The following GRIA1 variants were observed in gnomAD, a reference collection of about 807,000 sequenced individuals.
GRIA1 encodes glutamate receptor 1.
Under a neutral mutation model 99.2 loss-of-function variants are expected in GRIA1, and 31 were observed. That is an observed-to-expected ratio of 0.31 (90% CI 0.23 to 0.42). The LOEUF is 0.42. Ranked by LOEUF, GRIA1 falls within the 10% of genes least tolerant of loss-of-function variation. GRIA1 has a pLI of 1.00. For missense variants in GRIA1, 782 were observed against 1,157.5 expected (o/e 0.68, Z 4.71); for synonymous variants, 438 against 432.4 (o/e 1.01, Z -0.16).
At chr5:153,701,619 C>CAAAAA (rs70978504) in intron 10 of GRIA1, among the ~76,000 whole-genome samples, 759 of 39,384 alleles carry the variant, frequency 0.019, 112 homozygotes, top group Middle Eastern at 0.043. Context: ...AGACCCGTCT[C>CAAAAA]AAAAAAAAAA....
intron 15 of GRIA1, among the ~76,000 whole-genome samples, chr5:153,807,746 C>A (rs1273485666): frequency 6.6e-6 from 1 of 152,210 alleles, no homozygotes; most frequent in Non-Finnish European, 1.5e-5. Flanking sequence ...TGAATAAAAT[C>A]TCAGGTCCCC....
At chr5:153,557,562 T>A (rs1421748058) in intron 2 of GRIA1, among the ~76,000 whole-genome samples, 1 of 152,240 alleles carries the variant, frequency 6.6e-6, no homozygotes, top group Non-Finnish European at 1.5e-5. Context: ...ATACAACTTT[T>A]TTTTCCTTAT....
chr5:153,729,152 C>T (rs1418137004), intron 11 of GRIA1, among the ~76,000 whole-genome samples: 1 of 149,602 alleles, frequency 6.7e-6, no homozygotes, highest in Non-Finnish European at 1.5e-5. Flanking sequence ...CCAAACACCG[C>T]ATATTCTCAC....
chr5:153,681,679 CAT>C (rs1451569579), intron 7 of GRIA1, among the ~76,000 whole-genome samples: 1 of 152,126 alleles, frequency 6.6e-6, no homozygotes, highest in African/African-American at 2.4e-5. Flanking sequence ...GCTAAACAGA[CAT>C]AATCCTCCTA....
At chr5:153,583,764 G>A (rs2149378262) in intron 2 of GRIA1, among the ~76,000 whole-genome samples, 1 of 152,178 alleles carries the variant, frequency 6.6e-6, no homozygotes, top group East Asian at 1.9e-4. Flanking sequence ...ACCAGTGATT[G>A]TGTTGAGACA....
intron 2 of GRIA1, among the ~76,000 whole-genome samples, chr5:153,519,364 C>T (rs905808385): frequency 6.6e-6 from 1 of 151,782 alleles, no homozygotes; most frequent in Non-Finnish European, 1.5e-5. Context: ...TTTAACAGGC[C>T]CCGCAGATGA....
At chr5:153,575,324 G>A (rs896707056) in intron 2 of GRIA1, among the ~76,000 whole-genome samples, 1 of 152,144 alleles carries the variant, frequency 6.6e-6, no homozygotes, top group Non-Finnish European at 1.5e-5. Context: ...TTTGTGGCCT[G>A]ATTTTTGGTC....
Position 153,502,517 on chromosome 5 carries a change from T to C in GRIA1, c.220+8452T>C, listed in dbSNP as rs141595328. On this transcript the variant is annotated intron_variant, in intron 2 of 15. Coordinates refer to ENST00000285900, the MANE Select transcript of GRIA1 (RefSeq NM_000827.4). Reference sequence around the variant, plus strand: ...GCTCATTTTAGCTCCCGCTGGACTATTGTCATGAGGGGTCCTAAATAAGGT... The same window carrying C: ...GCTCATTTTAGCTCCCGCTGGACTACTGTCATGAGGGGTCCTAAATAAGGT... Among the ~76,000 whole-genome samples, 323 of 152,268 alleles carry C rather than the reference T, an allele frequency of 2.1e-3. 3 individuals carry two copies. Among genetic ancestry groups the C allele is most frequent in the African/African-American group, 7.2e-3 (300 of 41,550 alleles).
upstream of GRIA1, chr5:153,490,456 A>G: frequency 4.6e-6 from 1 of 215,130 alleles, no homozygotes; most frequent in South Asian, 7.5e-5. Flanking sequence ...TAAGGTGAGG[A>G]TGGGAGGAAG....
chr5:153,520,449 G>T (rs1240871408), intron 2 of GRIA1, among the ~76,000 whole-genome samples: 1 of 152,116 alleles, frequency 6.6e-6, no homozygotes, highest in Non-Finnish European at 1.5e-5. Context: ...TTTGAGCTTG[G>T]TGCATAAGAA....
In GRIA1 at chr5:153,771,036, A is replaced by G. The variant is rs566628782; in HGVS notation, c.2270+621A>G. The stretch of plus-strand genomic sequence containing the variant: ...TTCACGAAAAGAAATCCTGATATTC[A>G]TTCTCAACAGCTGAGGAAGAGTCCT... On this transcript the variant is annotated intron_variant, in intron 13 of 15. Coordinates refer to ENST00000285900, the MANE Select transcript of GRIA1 (RefSeq NM_000827.4). Among the ~76,000 whole-genome samples the G allele has an allele frequency of 7.2e-5, 11 of 152,328 alleles. No individual in the cohort carries two copies. The South Asian group carries it at 2.3e-3, about 32-fold the overall frequency.
At chr5:153,693,148 G>T (rs1757877970) in intron 8 of GRIA1, among the ~76,000 whole-genome samples, 1 of 152,084 alleles carries the variant, frequency 6.6e-6, no homozygotes, top group African/African-American at 2.4e-5. Context: ...CTGTCTACTT[G>T]GGTCTTTCTG....
chr5:153,725,166 G>C (rs1760415983), intron 11 of GRIA1, among the ~76,000 whole-genome samples: 1 of 151,432 alleles, frequency 6.6e-6, no homozygotes, highest in Middle Eastern at 3.4e-3. Context: ...AAATGAAGGA[G>C]AAATAAAATA....
intron 2 of GRIA1, among the ~76,000 whole-genome samples, chr5:153,567,454 G>A (rs1761738293): frequency 6.6e-6 from 1 of 152,174 alleles, no homozygotes; most frequent in Admixed American, 6.5e-5. Context: ...TTGTTGTGTT[G>A]TAGCTGTCCT....
At chr5:153,538,634 G>A (rs1269895698) in intron 2 of GRIA1, among the ~76,000 whole-genome samples, 1 of 152,128 alleles carries the variant, frequency 6.6e-6, no homozygotes, top group African/African-American at 2.4e-5. Context: ...CAATCTTGGA[G>A]GTTTAGAATT....
intron 7 of GRIA1, among the ~76,000 whole-genome samples, chr5:153,678,374 G>A (rs780350768): frequency 1.3e-5 from 2 of 152,144 alleles, no homozygotes; most frequent in Admixed American, 6.5e-5. Context: ...GAATATGTAG[G>A]TCTGTCCTTT....
At chr5:153,757,307 G>A (rs921193097) in intron 11 of GRIA1, among the ~76,000 whole-genome samples, 4 of 152,064 alleles carry the variant, frequency 2.6e-5, no homozygotes, top group African/African-American at 7.2e-5. Context: ...CTATGGAATA[G>A]CATCAAAAGA....
At chr5:153,559,113 C>G (rs1311521357) in intron 2 of GRIA1, among the ~76,000 whole-genome samples, 1 of 152,170 alleles carries the variant, frequency 6.6e-6, no homozygotes, top group African/African-American at 2.4e-5. Context: ...GATGGCTAAG[C>G]TCCATTTTTC....
intron 2 of GRIA1, among the ~76,000 whole-genome samples, chr5:153,610,811 G>GA (rs1444366856): frequency 2.6e-5 from 4 of 152,130 alleles, no homozygotes; most frequent in Non-Finnish European, 5.9e-5. Flanking sequence ...CTGGCACATG[G>GA]AAAAACTCAA....
Sources: allele counts gnomAD v4.1 joint callset (sites outside exome capture counted in the v4.1 genomes callset), GRCh38; gene constraint gnomAD v4.1.1; transcripts MANE v1.5; gene names NCBI Gene and HGNC (gene_info 2026-07-23, HGNC 2026-07-21).